The following CNTN4 variants were observed in gnomAD, a reference collection of about 807,000 sequenced individuals.
CNTN4 encodes the protein contactin 4.
Under a neutral mutation model 122.5 loss-of-function variants are expected in CNTN4, and 77 were observed. The observed-to-expected ratio is 0.63, with a 90% CI of 0.52 to 0.76. The LOEUF (loss-of-function observed/expected upper bound fraction) is 0.76, where lower values mean the gene tolerates loss of function less well. Ranked by LOEUF, CNTN4 falls within the 30% of genes least tolerant of loss-of-function variation. The pLI, the probability that CNTN4 is intolerant of heterozygous loss-of-function variation, is 0.00. For synonymous variants in CNTN4, 512 were observed against 447.0 expected (o/e 1.15, Z -1.83); for missense variants, 1,256 against 1,259.1 (o/e 1.00, Z 0.04).
intron 13 of CNTN4, among the ~76,000 whole-genome samples, chr3:2,971,820 A>C (rs1692953166): frequency 6.6e-6 from 1 of 152,226 alleles, no homozygotes; most frequent in Non-Finnish European, 1.5e-5. Flanking sequence ...CTGCAATGTG[A>C]CTATGAAGAT....
rs144342832 is a variant in CNTN4, at chr3:2,541,127, A to G, written c.-88-30289A>G. On this transcript the variant is annotated intron_variant, in intron 3 of 24. Coordinates refer to ENST00000418658, the MANE Select transcript of CNTN4 (RefSeq NM_175607.3). ...CTTGGGGCCAGATTTAGGGTGTTTG[A>G]AGAATTATTTGTTTGCACCCTTAAA... 6.6e-4 allele frequency among the ~76,000 whole-genome samples: 100 copies of G among 152,218 alleles called. 1 individual carries two copies. The highest frequency in any genetic ancestry group is 2.3e-3 in the African/African-American group (95 of 41,548).
intron 3 of CNTN4, among the ~76,000 whole-genome samples, chr3:2,429,729 AC>A (rs902390158): frequency 1.3e-5 from 2 of 152,130 alleles, no homozygotes; most frequent in African/African-American, 4.8e-5. Flanking sequence ...AGTGGGCTCC[AC>A]CCAGTTTGAG....
At chr3:2,254,421 G>C (rs192398677) in intron 2 of CNTN4, among the ~76,000 whole-genome samples, 5 of 152,102 alleles carry the variant, frequency 3.3e-5, no homozygotes, top group African/African-American at 1.2e-4. Flanking sequence ...TGGGATTATT[G>C]GGTCAAATGG....
chr3:2,211,767 C>A (rs2038632059), intron 2 of CNTN4, among the ~76,000 whole-genome samples: 1 of 152,096 alleles, frequency 6.6e-6, no homozygotes, highest in Admixed American at 6.6e-5. Flanking sequence ...CATGAGTCAC[C>A]AACCCATTTA....
intron 4 of CNTN4, among the ~76,000 whole-genome samples, chr3:2,672,925 G>A (rs574573159): frequency 6.0e-4 from 92 of 152,270 alleles, no homozygotes; most frequent in Non-Finnish European, 6.9e-4. Context: ...TTACATTCGA[G>A]TGGGCTAGAG....
At chr3:2,648,712 G>C (rs2083236830) in intron 4 of CNTN4, among the ~76,000 whole-genome samples, 1 of 152,142 alleles carries the variant, frequency 6.6e-6, no homozygotes. Context: ...TCAAATGAGA[G>C]GAAGAAGCGT....
At chr3:2,307,371 C>T (rs1431577446) in intron 2 of CNTN4, among the ~76,000 whole-genome samples, 1 of 151,346 alleles carries the variant, frequency 6.6e-6, no homozygotes, top group Non-Finnish European at 1.5e-5. Flanking sequence ...GGAGGCGGAG[C>T]TTGCAGTGGG....
At chr3:2,359,318 A>C (rs745524163) in intron 3 of CNTN4, among the ~76,000 whole-genome samples, 2 of 152,106 alleles carry the variant, frequency 1.3e-5, no homozygotes, top group African/African-American at 2.4e-5. Flanking sequence ...TATAATGTAC[A>C]ACATACATTA....
intron 14 of CNTN4, among the ~76,000 whole-genome samples, chr3:2,996,080 C>G (rs974567969): frequency 6.6e-6 from 1 of 151,862 alleles, no homozygotes; most frequent in African/African-American, 2.4e-5. Context: ...AATACACATG[C>G]GGCATAAGCC....
intron 13 of CNTN4, among the ~76,000 whole-genome samples, chr3:2,968,129 T>A (rs562888587): frequency 6.6e-6 from 1 of 152,306 alleles, no homozygotes; most frequent in Admixed American, 6.5e-5. Flanking sequence ...ATTCCAAAAA[T>A]GGTTTGTCAG....
chr3:2,309,629 G>A (rs1205452769), intron 2 of CNTN4, among the ~76,000 whole-genome samples: 2 of 152,050 alleles, frequency 1.3e-5, no homozygotes, highest in South Asian at 4.1e-4. Context: ...GGTAATTGTT[G>A]CCATTTCAGA....
chr3:2,559,769 C>T (rs2078870781), intron 3 of CNTN4, among the ~76,000 whole-genome samples: 1 of 152,042 alleles, frequency 6.6e-6, no homozygotes, highest in Non-Finnish European at 1.5e-5. Flanking sequence ...AATATCCCAC[C>T]ATCTGCATGT....
chr3:2,296,799 AACAAC>A (rs374586785), intron 2 of CNTN4, among the ~76,000 whole-genome samples: 2,609 of 86,032 alleles, frequency 0.03, 48 homozygotes, highest in Middle Eastern at 0.041. Context: ...GAAAAAAAAA[AACAAC>A]AAAAAACTAT....
chr3:2,692,126 T>C (rs1447487955), intron 4 of CNTN4, among the ~76,000 whole-genome samples: 1 of 152,166 alleles, frequency 6.6e-6, no homozygotes, highest in Non-Finnish European at 1.5e-5. Flanking sequence ...CTTGGACCCA[T>C]GAGAAGTATT....
intron 14 of CNTN4, among the ~76,000 whole-genome samples, chr3:2,999,491 C>G (rs139750530): frequency 4.5e-4 from 68 of 152,080 alleles, no homozygotes; most frequent in African/African-American, 1.4e-3. Flanking sequence ...TCATGGCTCT[C>G]GGGGCTGGGA....
rs373800917 is a variant in CNTN4 at position 2,986,201 on chromosome 3, C to T, written c.1359-2144C>T. On this transcript the variant is annotated intron_variant, in intron 13 of 24. Coordinates refer to ENST00000418658, the MANE Select transcript of CNTN4 (RefSeq NM_175607.3). The stretch of plus-strand genomic sequence containing the variant: ...AAGTGCTAGAATTACAGGCATGAGC[C>T]GCCACACCCAGCCTCGCAAACACAA... 1.5e-3 allele frequency among the ~76,000 whole-genome samples: 223 copies of T among 152,244 alleles called. 1 individual carries two copies. Among genetic ancestry groups the T allele is most frequent in the African/African-American group, 5.3e-3 (219 of 41,544 alleles).
chr3:2,933,594 C>T (rs1246126276), intron 13 of CNTN4, among the ~76,000 whole-genome samples: 4 of 152,130 alleles, frequency 2.6e-5, no homozygotes, highest in Non-Finnish European at 1.5e-5. Flanking sequence ...TTTTCTTTCA[C>T]GCTAGTAAAG....
chr3:2,251,515 A>C (rs985500123), intron 2 of CNTN4, among the ~76,000 whole-genome samples: 18 of 151,906 alleles, frequency 1.2e-4, no homozygotes, highest in Admixed American at 2.0e-4. Flanking sequence ...AACGTCATTG[A>C]GGAGACTTTT....
At chr3:2,576,938 A>G (rs2079716691) in intron 4 of CNTN4, among the ~76,000 whole-genome samples, 1 of 152,200 alleles carries the variant, frequency 6.6e-6, no homozygotes, top group African/African-American at 2.4e-5. Flanking sequence ...CTGAGTCACA[A>G]GCAAGGAGAA....
Sources: allele counts gnomAD v4.1 joint callset (sites outside exome capture counted in the v4.1 genomes callset), GRCh38; gene constraint gnomAD v4.1.1; transcripts MANE v1.5; gene names NCBI Gene and HGNC (gene_info 2026-07-23, HGNC 2026-07-21).